Variants in ACOT9 observed in about 807,000 individuals in gnomAD.
ACOT9 encodes the protein acyl-coenzyme A thioesterase 9, mitochondrial.
Under a neutral mutation model 39.7 loss-of-function variants are expected in ACOT9, and 34 were observed. The observed-to-expected ratio is 0.86, with a 90% CI of 0.65 to 1.14. The LOEUF is 1.14. ACOT9 is among the 50% of genes most tolerant of loss of function. ACOT9 has a pLI of 0.00. For synonymous variants in ACOT9, 110 were observed against 120.5 expected (o/e 0.91, Z 0.57); for missense variants, 313 against 344.1 (o/e 0.91, Z 0.71).
chrX:23,721,901 C>T lies in ACOT9; in HGVS notation c.568G>A (p.Val190Met). 8.3e-7 allele frequency: 1 copy of T among 1,210,390 alleles called. No homozygotes were observed. The highest frequency in any genetic ancestry group is 1.1e-6 in the Non-Finnish European group (1 of 894,471). The change falls in exon 8 of 16, where the codon GTG becomes ATG. Residue 190 changes from valine to methionine, a missense_variant. Physicochemically the swap from Val to Met is conservative, Grantham distance 21. Coordinates refer to ENST00000379303, the MANE Select transcript of ACOT9 (RefSeq NM_001037171.2). ...VSWVGKTSME[V>M]KMQMFQLHGD... ...TTTACCTGGAACATTTGCATCTTCACTTCCATGGATGTCTTCCCGACCCAG... is the reference window on the plus strand; with the variant it reads ...TTTACCTGGAACATTTGCATCTTCATTTCCATGGATGTCTTCCCGACCCAG...
chrX:23,716,748 G>A (rs1344471323), intron 8 of ACOT9, among the ~76,000 whole-genome samples: 3 of 111,322 alleles, frequency 2.7e-5, no homozygotes, highest in Non-Finnish European at 5.7e-5. Flanking sequence ...GTACAGTGGC[G>A]CAATCTCGGC....
chrX:23,716,013 T>A (rs1014602897), intron 8 of ACOT9, among the ~76,000 whole-genome samples: 1 of 111,236 alleles, frequency 9.0e-6, no homozygotes, highest in African/African-American at 3.3e-5. Context: ...CGTTGAGGAG[T>A]AGAGTCCGCA....
Position 23,701,753 on chromosome X carries a change from G to A in ACOT9, c.*2141C>T, listed in dbSNP as rs936887545. 9.0e-6 allele frequency among the ~76,000 whole-genome samples: 1 copy of A among 111,338 alleles called. No individual in the cohort carries two copies. The highest frequency in any genetic ancestry group is 3.3e-5 in the African/African-American group (1 of 30,705). The stretch of plus-strand genomic sequence containing the variant: ...GATTACAGGCATGAGCCACCACTGT[G>A]CCTGGCCTAAAAATTTTTTGTTAAA... On this transcript the variant is annotated 3_prime_UTR_variant, in exon 16 of 16. Transcript: ENST00000379303.
chrX:23,734,639 T>G (rs1929871213), intron 2 of ACOT9, among the ~76,000 whole-genome samples: 1 of 111,855 alleles, frequency 8.9e-6, no homozygotes, highest in Admixed American at 9.6e-5. Context: ...CACCATAAAT[T>G]TGATGTATAA....
rs370877898 is a variant in ACOT9 at position 23,738,013 on chromosome X, C to T, written c.21-1997G>A. On this transcript the variant is annotated intron_variant, in intron 1 of 15. Transcript: ENST00000379303. ...CCTCCCGAGTAGCTGGGACTACAGG[C>T]GCCGCCACCGCGCCCGGCTAATTTT... 9.4e-5 allele frequency among the ~76,000 whole-genome samples: 10 copies of T among 106,311 alleles called. No homozygotes were observed. In the South Asian group the frequency reaches 4.3e-3, roughly 46 times the overall value. The allele number at this position is 106,311 out of a possible 115,157, so 92.3% of individuals were successfully genotyped here. A position where few individuals can be genotyped will look rare whatever the true frequency, so the allele number is the denominator to read the frequency against.
At chrX:23,723,623 A>AG (rs1241582995) in intron 6 of ACOT9, among the ~76,000 whole-genome samples, 15 of 97,323 alleles carry the variant, frequency 1.5e-4, no homozygotes, top group Non-Finnish European at 2.9e-4. Context: ...AAAAAAAAAA[A>AG]GTTGTATGAT....
At chrX:23,732,465 C>A (rs987003165) in intron 4 of ACOT9, among the ~76,000 whole-genome samples, 27 of 111,724 alleles carry the variant, frequency 2.4e-4, no homozygotes, top group Non-Finnish European at 4.5e-4. Flanking sequence ...GAAAATTTGG[C>A]AAAATATTAA....
intron 4 of ACOT9, among the ~76,000 whole-genome samples, 176 bp from the exon 5 acceptor site, chrX:23,731,162 G>GT (rs1929727135): frequency 9.0e-6 from 1 of 111,697 alleles, no homozygotes; most frequent in African/African-American, 3.3e-5. Flanking sequence ...ATCATTTCCG[G>GT]TATCATTTCT....
At chrX:23,730,676 G>T in intron 5 of ACOT9, 112 bp from the exon 6 acceptor site, 1 of 944,278 alleles carries the variant, frequency 1.1e-6, no homozygotes, top group South Asian at 2.2e-5. Flanking sequence ...TGTGGTGATG[G>T]ATGCACAACT....
At chrX:23,722,793 G>T (rs761712470) in intron 6 of ACOT9, 40 bp from the exon 7 acceptor site, 11 of 930,480 alleles carry the variant, frequency 1.2e-5, no homozygotes. Context: ...TAAAAAGGCA[G>T]AATTATTTCC....
At chrX:23,725,557 C>T (rs1439092532) in intron 6 of ACOT9, among the ~76,000 whole-genome samples, 9 of 104,925 alleles carry the variant, frequency 8.6e-5, no homozygotes, top group East Asian at 3.1e-4. Context: ...GTGGCTCACA[C>T]CTGTAATCCC....
rs59649997 is a variant in ACOT9, at chrX:23,731,474, CAA to C, written c.192-490_192-489del. On this transcript the variant is annotated intron_variant, in intron 4 of 15. Coordinates refer to ENST00000379303, the MANE Select transcript of ACOT9 (RefSeq NM_001037171.2). ...CCTGGGCAACAGAGCAAGACTGTCT[CAA>C]AAAAAAAAAAAAAAAAGAAAACTTA... is the stretch of plus-strand genomic sequence containing the variant. Among the ~76,000 whole-genome samples the C allele has an allele frequency of 9.7e-3, 670 of 68,736 alleles. 10 individuals are homozygous for C. The highest frequency in any genetic ancestry group is 0.029 in the African/African-American group (637 of 22,129). The allele number at this position is 68,736 out of a possible 115,157, so 59.7% of individuals were successfully genotyped here.
intron 10 of ACOT9, 39 bp downstream of exon 10, chrX:23,707,838 G>A (rs1928753707): frequency 2.9e-6 from 3 of 1,029,338 alleles, no homozygotes; most frequent in Non-Finnish European, 4.0e-6. Context: ...TAATTAATGT[G>A]CTTTTCAAAT....
At chrX:23,735,240 C>CAAAAAAAA (rs35950361) in intron 2 of ACOT9, among the ~76,000 whole-genome samples, 1 of 29,151 alleles carries the variant, frequency 3.4e-5, no homozygotes, top group Non-Finnish European at 5.8e-5. Flanking sequence ...GACTCCATCC[C>CAAAAAAAA]AAAAAAAAAA....
At chrX:23,722,237 C>A (rs1929342876) in intron 7 of ACOT9, among the ~76,000 whole-genome samples, 1 of 111,873 alleles carries the variant, frequency 8.9e-6, no homozygotes, top group Non-Finnish European at 1.9e-5. Flanking sequence ...ATACAGCATT[C>A]TAGACATTTT....
intron 6 of ACOT9, among the ~76,000 whole-genome samples, chrX:23,729,222 C>T (rs1929643984): frequency 1.8e-5 from 2 of 111,572 alleles, no homozygotes; most frequent in African/African-American, 3.3e-5. Flanking sequence ...TGATAGGATA[C>T]AATAAGAACA....
intron 6 of ACOT9, among the ~76,000 whole-genome samples, chrX:23,726,039 A>C (rs934285053): frequency 2.7e-5 from 3 of 109,205 alleles, no homozygotes; most frequent in Non-Finnish European, 3.8e-5. Context: ...TCTCTACTAA[A>C]GATACAAAAA....
Position 23,705,858 on chromosome X carries a change from C to G in ACOT9, c.843G>C (p.Lys281Asn). The G allele has an allele frequency of 8.4e-7, 1 of 1,184,412 alleles. No individual in the cohort carries two copies. The highest frequency in any genetic ancestry group is 1.1e-6 in the Non-Finnish European group (1 of 870,890). Residue 281 changes from lysine to asparagine, a missense_variant and splice_region_variant, in exon 12 of 16, where the codon AAG (lysine) becomes AAC (asparagine). Physicochemically the swap from Lys to Asn is moderately conservative, Grantham distance 94. Coordinates refer to ENST00000379303, the MANE Select transcript of ACOT9 (RefSeq NM_001037171.2). ...HEMFLSTLDPKTISFRSRVLP... is the reference protein window; with the variant it reads ...HEMFLSTLDPNTISFRSRVLP... ...AAACTCGACTCCGAAAACTTATAGTCCTGTACAAATGAATATTTATTAAAC... is the reference window on the plus strand; with the variant it reads ...AAACTCGACTCCGAAAACTTATAGTGCTGTACAAATGAATATTTATTAAAC...
intron 7 of ACOT9, 135 bp from the exon 8 acceptor site, chrX:23,722,119 C>A: frequency 1.3e-5 from 5 of 396,614 alleles, no homozygotes; most frequent in East Asian, 4.3e-5. Flanking sequence ...TTTTTTGACA[C>A]GCAGAAGAAA....
Sources: allele counts gnomAD v4.1 joint callset (sites outside exome capture counted in the v4.1 genomes callset), GRCh38; gene constraint gnomAD v4.1.1; transcripts MANE v1.5; gene names NCBI Gene and HGNC (gene_info 2026-07-23, HGNC 2026-07-21).